The following ZBTB9 variants were observed in gnomAD, a reference collection of about 807,000 sequenced individuals.
ZBTB9 encodes the protein zinc finger and BTB domain-containing protein 9.
A neutral mutation model predicts 26.3 loss-of-function variants in ZBTB9; 17 were observed. That is an observed-to-expected ratio of 0.65 (90% CI 0.44 to 0.97). ZBTB9 has a LOEUF of 0.97. Ranked by LOEUF, ZBTB9 falls within the 50% of genes least tolerant of loss-of-function variation. The pLI, the probability that ZBTB9 is intolerant of heterozygous loss-of-function variation, is 0.00. For synonymous variants in ZBTB9, 226 were observed against 234.3 expected (o/e 0.96, Z 0.32); for missense variants, 510 against 594.2 (o/e 0.86, Z 1.47).
In ZBTB9 at chr6:33,456,058, G is replaced by A. The variant is rs751554823; in HGVS notation, c.958G>A (p.Gly320Arg). ...AGTGTTTTCTGGAGGGGACACTGAAGGGAATGGGGAGCTAGGGTTCTTGTT... is the reference window on the plus strand; with the variant it reads ...AGTGTTTTCTGGAGGGGACACTGAAAGGAATGGGGAGCTAGGGTTCTTGTT... ...TKVFSGGDTE[G>R]NGELGFLLPS... is the part of the protein sequence containing the mutation. The change falls in exon 2 of 2, where the codon GGG (glycine) becomes AGG (arginine). Residue 320 changes from glycine to arginine, a missense_variant. Physicochemically the swap from Gly to Arg is moderately radical, Grantham distance 125. Coordinates refer to ENST00000395064, the MANE Select transcript of ZBTB9 (RefSeq NM_152735.4). The surrounding 1 kb of genome is among the most constrained non-coding windows in gnomAD (Gnocchi z 5.1). The A allele has an allele frequency of 1.2e-6, 2 of 1,614,106 alleles. No homozygotes were observed. Among genetic ancestry groups the A allele is most frequent in the East Asian group, 2.2e-5 (1 of 44,888 alleles).
At position 33,455,635 on chromosome 6, in the gene ZBTB9, C is replaced by G. The variant is rs1231204355; in HGVS notation, c.535C>G (p.Pro179Ala). The G allele has an allele frequency of 1.2e-6, 2 of 1,614,156 alleles. No individual in the cohort carries two copies. Among genetic ancestry groups the G allele is most frequent in the Non-Finnish European group, 1.7e-6 (2 of 1,179,994 alleles). Residue 179 changes from proline (P) to alanine (A), a missense_variant, in exon 2 of 2, where the codon CCA becomes GCA. This residue lies in a region of ZBTB9 where 439 missense variants were observed against 460.4 expected (regional missense o/e 0.95). Transcript: ENST00000395064. ...CATTCGCTCTTCGCCTTTCCAGACCCCAGTACAGTCCTCTGCTTCTACTGA... is the reference window on the plus strand; with the variant it reads ...CATTCGCTCTTCGCCTTTCCAGACCGCAGTACAGTCCTCTGCTTCTACTGA... Reference protein sequence around the residue: ...WCIRSSPFQTPVQSSASTESP... With the variant: ...WCIRSSPFQTAVQSSASTESP...
chr6:33,455,661 A>G lies in ZBTB9; in HGVS notation c.561A>G (p.Glu187=). The stretch of plus-strand genomic sequence containing the variant: ...CAGTACAGTCCTCTGCTTCTACTGA[A>G]AGCCCTGCTTCCACTGAGAGCCCTG... ...QTPVQSSAST[E]SPASTESPVG... is the part of the protein sequence containing the mutation. The change falls in exon 2 of 2, where the codon GAA becomes GAG. Residue 187 remains glutamate, a synonymous_variant. Coordinates refer to ENST00000395064, the MANE Select transcript of ZBTB9 (RefSeq NM_152735.4). 1 of 1,614,180 alleles carries G rather than the reference A, an allele frequency of 6.2e-7. No individual in the cohort carries two copies. The highest frequency in any genetic ancestry group is 8.5e-7 in the Non-Finnish European group (1 of 1,180,032).
In ZBTB9 at chr6:33,456,465, C is replaced by T; in HGVS notation, c.1365C>T (p.Arg455=). Residue 455 remains arginine (R), a synonymous_variant, in exon 2 of 2, where the codon CGC becomes CGT. Transcript: ENST00000395064. This position sits in a 1 kb window ranked among gnomAD's most constrained non-coding sequence, Gnocchi z 5.1. The part of the protein sequence containing the change: ...RRFRVHACFL[R]HRDLCKGQGW... The stretch of plus-strand genomic sequence containing the variant: ...TCCGAGTCCATGCCTGTTTTCTCCG[C>T]CACCGGGACCTATGCAAGGGCCAGG... The T allele has an allele frequency of 6.2e-7, 1 of 1,613,980 alleles. No homozygotes were observed. The highest frequency in any genetic ancestry group is 8.5e-7 in the Non-Finnish European group (1 of 1,179,916).
chr6:33,457,276 A>C lies in ZBTB9; in HGVS notation c.*754A>C, dbSNP rs1275809725. ...TGACTGGAATGTGACTAGTGATCTC[A>C]GGAGATGGCACTGTCCTAAAGTGCT... is the stretch of plus-strand genomic sequence containing the variant. On this transcript the variant is annotated 3_prime_UTR_variant, in exon 2 of 2. Coordinates refer to ENST00000395064, the MANE Select transcript of ZBTB9 (RefSeq NM_152735.4). 2.4e-5 allele frequency: 4 copies of C among 167,140 alleles called. No homozygotes were observed. In the Admixed American group the frequency reaches 2.6e-4, roughly 11 times the overall value. 10.4% of individuals were successfully genotyped at this position (167,140 alleles called of 1,614,324 possible). A position where few individuals can be genotyped will look rare whatever the true frequency, so the allele number is the denominator to read the frequency against.
At position 33,455,732 on chromosome 6, in the gene ZBTB9, T is replaced by C; in HGVS notation, c.632T>C (p.Val211Ala). Reference protein sequence around the residue: ...SELGEVLQIQVEEEEEEEEDD... With the variant: ...SELGEVLQIQAEEEEEEEEDD... ...CTGGGAGAAGTGCTGCAAATTCAGG[T>C]GGAAGAAGAAGAGGAGGAGGAGGAA... Residue 211 changes from valine to alanine, a missense_variant, in exon 2 of 2, where the codon GTG becomes GCG. Coordinates refer to ENST00000395064, the MANE Select transcript of ZBTB9 (RefSeq NM_152735.4). The C allele has an allele frequency of 6.2e-7, 1 of 1,613,598 alleles. No individual in the cohort carries two copies. Among genetic ancestry groups the C allele is most frequent in the South Asian group, 1.1e-5 (1 of 91,026 alleles).
chr6:33,454,541 C>T (rs1737724689), upstream of ZBTB9: 1 of 158,570 alleles, frequency 6.3e-6, no homozygotes, highest in Non-Finnish European at 1.4e-5. Context: ...GCTCCGCCCG[C>T]CGCACTTGGC....
rs1406487314 is a variant in ZBTB9, at chr6:33,455,593, T to A, written c.493T>A (p.Ser165Thr). 1.2e-6 allele frequency: 2 copies of A among 1,613,928 alleles called. No homozygotes were observed. The highest frequency in any genetic ancestry group is 3.3e-5 in the Admixed American group (2 of 60,014). The part of the protein sequence containing the change: ...SYHALLSTTS[S>T]TGGWCIRSSP... The stretch of plus-strand genomic sequence containing the variant: ...CCATGCCCTTCTTTCCACTACATCC[T>A]CTACAGGAGGCTGGTGCATTCGCTC... The change falls in exon 2 of 2, where the codon TCT becomes ACT. Residue 165 changes from serine to threonine, a missense_variant. Around this residue, in one of 2 missense-constraint regions of ZBTB9, gnomAD observed 439 missense variants for 460.4 expected, o/e 0.95. Transcript: ENST00000395064.
Position 33,456,049 on chromosome 6 carries a change from G to A in ZBTB9, c.949G>A (p.Asp317Asn), listed in dbSNP as rs1255071353. ...KEETKVFSGG[D>N]TEGNGELGFL... ...GGAAACCAAAGTGTTTTCTGGAGGG[G>A]ACACTGAAGGGAATGGGGAGCTAGG... The change falls in exon 2 of 2, where the codon GAC (aspartate) becomes AAC (asparagine). Residue 317 changes from aspartate to asparagine, a missense_variant. Coordinates refer to ENST00000395064, the MANE Select transcript of ZBTB9 (RefSeq NM_152735.4). This position sits in a 1 kb window ranked among gnomAD's most constrained non-coding sequence, Gnocchi z 5.1. 8 of 1,614,060 alleles carry A rather than the reference G, an allele frequency of 5.0e-6. No individual in the cohort carries two copies. The highest frequency in any genetic ancestry group is 6.8e-6 in the Non-Finnish European group (8 of 1,180,028).
upstream of ZBTB9, chr6:33,453,560 C>A (rs892358447): frequency 1.3e-5 from 2 of 151,454 alleles, no homozygotes; most frequent in African/African-American, 4.9e-5. Flanking sequence ...TCCCTCCCCA[C>A]CCCACTCCCA....
Position 33,455,191 on chromosome 6 carries a change from A to C in ZBTB9, c.91A>C (p.Ser31Arg), listed in dbSNP as rs746240241. 36 of 1,613,914 alleles carry C rather than the reference A, an allele frequency of 2.2e-5. No homozygotes were observed. Among genetic ancestry groups the C allele is most frequent in the Non-Finnish European group, 2.8e-5 (33 of 1,180,018 alleles). ...RTIQIEFPQH[S>R]SSLLESLNRH... The stretch of plus-strand genomic sequence containing the variant: ...AATCCAGATCGAGTTCCCACAGCAT[A>C]GCTCGTCTCTGCTGGAATCTCTGAA... The change falls in exon 2 of 2, where the codon AGC becomes CGC. Residue 31 changes from serine (S) to arginine (R), a missense_variant. This residue lies in a region of ZBTB9 where 439 missense variants were observed against 460.4 expected (regional missense o/e 0.95). Transcript: ENST00000395064.
At position 33,455,825 on chromosome 6, in the gene ZBTB9, G is replaced by T; in HGVS notation, c.725G>T (p.Gly242Val). The T allele has an allele frequency of 6.2e-7, 1 of 1,611,126 alleles. No homozygotes were observed. The highest frequency in any genetic ancestry group is 1.1e-5 in the South Asian group (1 of 90,630). ...ACTCCTCAGCCCCAGAGAGTATCAGGGGTTTTTCCCCGTCCTCATGGACCC... is the reference window on the plus strand; with the variant it reads ...ACTCCTCAGCCCCAGAGAGTATCAGTGGTTTTTCCCCGTCCTCATGGACCC... Reference protein sequence around the residue: ...SQTPQPQRVSGVFPRPHGPHP... With the variant: ...SQTPQPQRVSVVFPRPHGPHP... Residue 242 changes from glycine to valine, a missense_variant, in exon 2 of 2, where the codon GGG becomes GTG. Transcript: ENST00000395064.
chr6:33,456,609 A>G lies in ZBTB9; in HGVS notation c.*87A>G. 1 of 1,516,676 alleles carries G rather than the reference A, an allele frequency of 6.6e-7. No homozygotes were observed. The highest frequency in any genetic ancestry group is 8.8e-7 in the Non-Finnish European group (1 of 1,133,550). 94.0% of individuals were successfully genotyped at this position (1,516,676 alleles called of 1,614,324 possible). A position where few individuals can be genotyped will look rare whatever the true frequency, so the allele number is the denominator to read the frequency against. On this transcript the variant is annotated 3_prime_UTR_variant, in exon 2 of 2. Coordinates refer to ENST00000395064, the MANE Select transcript of ZBTB9 (RefSeq NM_152735.4). This position sits in a 1 kb window ranked among gnomAD's most constrained non-coding sequence, Gnocchi z 5.1. ...CCCTCACTGCCATGGCACACCAGTC[A>G]TGGATCTTGTAATCATGCCAAGAGA...
rs1483322743 is a variant in ZBTB9 at position 33,456,045 on chromosome 6, A to G, written c.945A>G (p.Gly315=). 6.2e-7 allele frequency: 1 copy of G among 1,614,048 alleles called. No individual in the cohort carries two copies. Among genetic ancestry groups the G allele is most frequent in the Non-Finnish European group, 8.5e-7 (1 of 1,180,018 alleles). ...GAKEETKVFS[G]GDTEGNGELG... ...AGGAGGAAACCAAAGTGTTTTCTGG[A>G]GGGGACACTGAAGGGAATGGGGAGC... Residue 315 remains glycine, a synonymous_variant, in exon 2 of 2, where the codon GGA becomes GGG. Coordinates refer to ENST00000395064, the MANE Select transcript of ZBTB9 (RefSeq NM_152735.4). The surrounding 1 kb of genome is among the most constrained non-coding windows in gnomAD (Gnocchi z 5.1).
chr6:33,456,579 CT>C lies in ZBTB9; in HGVS notation c.*61del. ...AGATAACCACTGCTGCTGATGGATA[CT>C]TTTCCCTCACTGCCATGGCACACCA... On this transcript the variant is annotated 3_prime_UTR_variant, in exon 2 of 2. Transcript: ENST00000395064. This position sits in a 1 kb window ranked among gnomAD's most constrained non-coding sequence, Gnocchi z 5.1. 1 of 1,531,798 alleles carries C rather than the reference CT, an allele frequency of 6.5e-7. No homozygotes were observed. Among genetic ancestry groups the C allele is most frequent in the Non-Finnish European group, 8.8e-7 (1 of 1,141,408 alleles). 94.9% of individuals were successfully genotyped at this position (1,531,798 alleles called of 1,614,324 possible).
rs1195310194 is a variant in ZBTB9, at chr6:33,455,664, C to T, written c.564C>T (p.Ser188=). Residue 188 remains serine (S), a synonymous_variant, in exon 2 of 2, where the codon AGC becomes AGT. Coordinates refer to ENST00000395064, the MANE Select transcript of ZBTB9 (RefSeq NM_152735.4). ...TPVQSSASTE[S]PASTESPVGG... is the part of the protein sequence containing the mutation. The stretch of plus-strand genomic sequence containing the variant: ...TACAGTCCTCTGCTTCTACTGAAAG[C>T]CCTGCTTCCACTGAGAGCCCTGTGG... 6 of 1,614,090 alleles carry T rather than the reference C, an allele frequency of 3.7e-6. No homozygotes were observed. The highest frequency in any genetic ancestry group is 4.2e-6 in the Non-Finnish European group (5 of 1,180,054).
At position 33,456,030 on chromosome 6, in the gene ZBTB9, C is replaced by G. The variant is rs762582401; in HGVS notation, c.930C>G (p.Thr310=). 1.2e-6 allele frequency: 2 copies of G among 1,614,070 alleles called. No homozygotes were observed. The highest frequency in any genetic ancestry group is 3.3e-5 in the Admixed American group (2 of 60,016). ...GTQPGGAKEE[T]KVFSGGDTEG... is the part of the protein sequence containing the mutation. ...AGCCTGGAGGAGCAAAGGAGGAAACCAAAGTGTTTTCTGGAGGGGACACTG... is the reference window on the plus strand; with the variant it reads ...AGCCTGGAGGAGCAAAGGAGGAAACGAAAGTGTTTTCTGGAGGGGACACTG... The change falls in exon 2 of 2, where the codon ACC becomes ACG. Residue 310 remains threonine, a synonymous_variant. Coordinates refer to ENST00000395064, the MANE Select transcript of ZBTB9 (RefSeq NM_152735.4). The surrounding 1 kb of genome is among the most constrained non-coding windows in gnomAD (Gnocchi z 5.1).
upstream of ZBTB9, chr6:33,454,132 A>T (rs1476225637): frequency 2.0e-5 from 3 of 152,210 alleles, no homozygotes; most frequent in African/African-American, 7.2e-5. Flanking sequence ...TGACGCTTCC[A>T]GCCCGTTTCC....
chr6:33,455,675 C>T lies in ZBTB9; in HGVS notation c.575C>T (p.Thr192Ile), dbSNP rs1365891827. 14 of 1,614,094 alleles carry T rather than the reference C, an allele frequency of 8.7e-6. No individual in the cohort carries two copies. Among genetic ancestry groups the T allele is most frequent in the African/African-American group, 1.3e-5 (1 of 74,926 alleles). Reference protein sequence around the residue: ...SSASTESPASTESPVGGEGSE... With the variant: ...SSASTESPASIESPVGGEGSE... ...GCTTCTACTGAAAGCCCTGCTTCCACTGAGAGCCCTGTGGGAGGGGAGGGA... is the reference window on the plus strand; with the variant it reads ...GCTTCTACTGAAAGCCCTGCTTCCATTGAGAGCCCTGTGGGAGGGGAGGGA... The change falls in exon 2 of 2, where the codon ACT becomes ATT. Residue 192 changes from threonine (T) to isoleucine (I), a missense_variant. Transcript: ENST00000395064.
chr6:33,455,567 A>G lies in ZBTB9; in HGVS notation c.467A>G (p.Tyr156Cys). ...GGISARGGNS[Y>C]HALLSTTSST... ...ATTTCAGCCCGTGGAGGAAACTCCTACCATGCCCTTCTTTCCACTACATCC... is the reference window on the plus strand; with the variant it reads ...ATTTCAGCCCGTGGAGGAAACTCCTGCCATGCCCTTCTTTCCACTACATCC... The change falls in exon 2 of 2, where the codon TAC (tyrosine) becomes TGC (cysteine). Residue 156 changes from tyrosine (Y) to cysteine (C), a missense_variant. This residue lies in a region of ZBTB9 where 439 missense variants were observed against 460.4 expected (regional missense o/e 0.95). Coordinates refer to ENST00000395064, the MANE Select transcript of ZBTB9 (RefSeq NM_152735.4). 1 of 1,614,118 alleles carries G rather than the reference A, an allele frequency of 6.2e-7. No homozygotes were observed. The highest frequency in any genetic ancestry group is 1.1e-5 in the South Asian group (1 of 91,074).
Sources: gnomAD v4.1 joint callset for allele counts on GRCh38, gnomAD v4.1.1 for gene constraint, gnomAD v4.1.1 regional missense constraint, Gnocchi (gnomAD v3.1) non-coding constraint, MANE v1.5 for transcripts, NCBI Gene and HGNC (gene_info 2026-07-23, HGNC 2026-07-21) for gene names.